The following PIK3C2G variants were observed in gnomAD, a reference collection of about 807,000 sequenced individuals.
The protein encoded by PIK3C2G is phosphatidylinositol 3-kinase C2 domain-containing subunit gamma.
In PIK3C2G, 168 loss-of-function variants were observed where a neutral mutation model predicts 181.1. The observed-to-expected ratio is 0.93, with a 90% CI of 0.82 to 1.05. The LOEUF is 1.05. Among genes scored for constraint, PIK3C2G ranks in the 50% least tolerant of loss-of-function variants. The probability of loss-of-function intolerance (pLI) is 0.00; values close to 1 mark genes in which losing one functional copy is unlikely to be tolerated. For missense variants in PIK3C2G, 1,869 were observed against 1,732.8 expected (o/e 1.08, Z -1.40); for synonymous variants, 573 against 592.2 (o/e 0.97, Z 0.47).
At chr12:18,375,901 C>T (rs1942403681) in intron 13 of PIK3C2G, among the ~76,000 whole-genome samples, 1 of 152,198 alleles carries the variant, frequency 6.6e-6, no homozygotes, top group Admixed American at 6.5e-5. Context: ...AGCTACAATC[C>T]TTGGCAGCTT....
intron 24 of PIK3C2G, among the ~76,000 whole-genome samples, chr12:18,536,723 A>C (rs1397292445): frequency 6.6e-6 from 1 of 152,122 alleles, no homozygotes; most frequent in Non-Finnish European, 1.5e-5. Flanking sequence ...CATGTTTTCA[A>C]CATCTCTTCT....
intron 5 of PIK3C2G, among the ~76,000 whole-genome samples, chr12:18,298,405 TTTC>T (rs1297294143): frequency 9.0e-5 from 11 of 122,408 alleles, no homozygotes; most frequent in Admixed American, 5.2e-4. Flanking sequence ...TTGTGTGTTT[TTTC>T]TTTTTTTTTT....
At chr12:18,318,764 T>C (rs1182314567) in intron 6 of PIK3C2G, among the ~76,000 whole-genome samples, 2 of 150,320 alleles carry the variant, frequency 1.3e-5, no homozygotes, top group African/African-American at 4.9e-5. Context: ...TATAATTTAA[T>C]CCTCATTTCA....
chr12:18,450,139 T>C (rs1411531227), intron 18 of PIK3C2G, among the ~76,000 whole-genome samples: 2 of 152,186 alleles, frequency 1.3e-5, no homozygotes, highest in Non-Finnish European at 2.9e-5. Context: ...TTTATTTTTA[T>C]TTTTGAGATG....
intron 16 of PIK3C2G, among the ~76,000 whole-genome samples, chr12:18,412,014 T>G (rs1592193267): frequency 6.6e-6 from 1 of 152,134 alleles, no homozygotes; most frequent in Non-Finnish European, 1.5e-5. Context: ...TTGAAAAATA[T>G]ATTTTTCTGT....
At position 18,626,008 on chromosome 12, in the gene PIK3C2G, T is replaced by C. The variant is rs572710517; in HGVS notation, c.4183-14421T>C. Among the ~76,000 whole-genome samples, 4 of 152,036 alleles carry C rather than the reference T, an allele frequency of 2.6e-5. No homozygotes were observed. In the South Asian group the frequency reaches 6.2e-4, roughly 24 times the overall value. ...ATCTTTTATTAAAGAATTTAATACA[T>C]TTACATTCAAAGTAAGTATTGACAG... On this transcript the variant is annotated intron_variant, in intron 31 of 32. Coordinates refer to ENST00000538779, the MANE Select transcript of PIK3C2G (RefSeq NM_001288772.2).
the PIK3C2G span, among the ~76,000 whole-genome samples, chr12:18,659,663 C>CTTTTTTTTTTTTTTTTTTTTT: frequency 6.0e-5 from 8 of 133,812 alleles, no homozygotes; most frequent in Non-Finnish European, 7.9e-5. Flanking sequence ...GTTCTCCATT[C>CTTTTTTTTTTTTTTTTTTTTT]TTTTTTTTTT....
chr12:18,503,216 T>C (rs1347477072), intron 22 of PIK3C2G, 65 bp from the exon 23 acceptor site: 10 of 1,258,088 alleles, frequency 7.9e-6, no homozygotes, highest in Non-Finnish European at 1.1e-5. Flanking sequence ...TGTTGTTATA[T>C]TTCCTAAGGC....
At chr12:18,385,248 C>T (rs1382853832) in intron 14 of PIK3C2G, among the ~76,000 whole-genome samples, 1 of 152,142 alleles carries the variant, frequency 6.6e-6, no homozygotes, top group Non-Finnish European at 1.5e-5. Context: ...ATGGTGGTTA[C>T]TGCCACACTG....
intron 28 of PIK3C2G, among the ~76,000 whole-genome samples, chr12:18,566,626 TCAGA>T (rs1313159638): frequency 1.3e-5 from 2 of 152,160 alleles, no homozygotes; most frequent in African/African-American, 4.8e-5. Flanking sequence ...ACCATTAACT[TCAGA>T]CAGTCTTTTT....
intron 30 of PIK3C2G, among the ~76,000 whole-genome samples, chr12:18,596,620 T>G (rs1288439965): frequency 6.6e-6 from 1 of 151,944 alleles, no homozygotes. Flanking sequence ...ATTGTCAGGG[T>G]TAAGAGGATG....
rs147601867 is a variant in PIK3C2G, at chr12:18,361,470, G to A, written c.1626-1294G>A. ...TGTGTGCCTTATTACCTTGTGTTGA[G>A]ATATGTGCATTTGCAAAAACAGCTA... On this transcript the variant is annotated intron_variant, in intron 11 of 32. Coordinates refer to ENST00000538779, the MANE Select transcript of PIK3C2G (RefSeq NM_001288772.2). Among the ~76,000 whole-genome samples the A allele has an allele frequency of 2.7e-3, 415 of 151,712 alleles. 1 individual carries two copies. The highest frequency in any genetic ancestry group is 6.9e-3 in the Admixed American group (105 of 15,236).
chr12:18,626,390 G>C (rs1410869804), intron 31 of PIK3C2G, among the ~76,000 whole-genome samples: 1 of 151,564 alleles, frequency 6.6e-6, no homozygotes, highest in African/African-American at 2.4e-5. Context: ...GTTTATTTTA[G>C]CTATAGTTCT....
the PIK3C2G span, among the ~76,000 whole-genome samples, chr12:18,725,452 A>T: frequency 6.6e-6 from 1 of 152,140 alleles, no homozygotes; most frequent in African/African-American, 2.4e-5. Context: ...ATTTTTAACT[A>T]ACTCTAAGAC....
In PIK3C2G at chr12:18,284,767, T is replaced by C. The variant is rs76794142; in HGVS notation, c.678+2008T>C. Among the ~76,000 whole-genome samples the C allele has an allele frequency of 3.5e-3, 526 of 151,928 alleles. 3 individuals are homozygous for C. The highest frequency in any genetic ancestry group is 0.012 in the African/African-American group (514 of 41,434). ...GTAACTGGATGTGCTTAACAACAGA[T>C]AGGAAAGAACAGGGGAAAAAATAAT... On this transcript the variant is annotated intron_variant, in intron 2 of 32. Transcript: ENST00000538779.
At chr12:18,345,428 T>C (rs1420768200) in intron 10 of PIK3C2G, among the ~76,000 whole-genome samples, 1 of 152,214 alleles carries the variant, frequency 6.6e-6, no homozygotes, top group African/African-American at 2.4e-5. Flanking sequence ...ATCTACCTTA[T>C]ATATTTTGTA....
rs1454142446 is a variant in PIK3C2G, at chr12:18,563,479, G to T, written c.3883G>T (p.Ala1295Ser). The T allele has an allele frequency of 3.7e-6, 6 of 1,613,752 alleles. No individual in the cohort carries two copies. Among genetic ancestry groups the T allele is most frequent in the Admixed American group, 1.7e-5 (1 of 60,008 alleles). The change falls in exon 28 of 33, where the codon GCA becomes TCA. Residue 1295 changes from alanine (A) to serine (S), a missense_variant. By Grantham distance (99) the Ala-to-Ser change is moderately conservative. Transcript: ENST00000538779. ...KLHSQLQKQFASLTLPEFPHW... is the reference protein window; with the variant it reads ...KLHSQLQKQFSSLTLPEFPHW... Reference sequence around the variant, plus strand: ...TCACAGCCAACTTCAGAAGCAGTTTGCATCACTGACTCTCCCAGAGTAAGG... The same window carrying T: ...TCACAGCCAACTTCAGAAGCAGTTTTCATCACTGACTCTCCCAGAGTAAGG...
intron 20 of PIK3C2G, 29 bp downstream of exon 20, chr12:18,491,587 GA>G (rs774996832): frequency 1.9e-5 from 24 of 1,242,634 alleles, no homozygotes; most frequent in Non-Finnish European, 2.8e-5. Context: ...CAGATTAATG[GA>G]ATATTTCTGT....
At chr12:18,436,766 GT>G (rs1946471616) in intron 18 of PIK3C2G, among the ~76,000 whole-genome samples, 1 of 152,004 alleles carries the variant, frequency 6.6e-6, no homozygotes. Flanking sequence ...ATTGGGTGAA[GT>G]TGAGTTAAAT....
Sources: allele counts gnomAD v4.1 joint callset (sites outside exome capture counted in the v4.1 genomes callset), GRCh38; gene constraint gnomAD v4.1.1; transcripts MANE v1.5; gene names NCBI Gene and HGNC (gene_info 2026-07-23, HGNC 2026-07-21).